MTRF1: variants seen among roughly 807,000 people sequenced by gnomAD.
The protein encoded by MTRF1 is mitochondrial translation release factor 1.
In MTRF1, 51 loss-of-function variants were observed where a neutral mutation model predicts 62.9. That is an observed-to-expected ratio of 0.81 (90% CI 0.65 to 1.02). The LOEUF (loss-of-function observed/expected upper bound fraction) is 1.02. MTRF1 is among the 50% of genes least tolerant of loss of function. The probability of loss-of-function intolerance (pLI) is 0.00; values close to 1 mark genes in which losing one functional copy is unlikely to be tolerated. For missense variants in MTRF1, 446 were observed against 530.0 expected (o/e 0.84, Z 1.56); for synonymous variants, 158 against 181.9 (o/e 0.87, Z 1.06).
intron 9 of MTRF1, among the ~76,000 whole-genome samples, chr13:41,219,290 CAAA>C (rs55810411): frequency 2.9e-3 from 383 of 131,884 alleles, no homozygotes; most frequent in African/African-American, 3.4e-3. Context: ...GACTCTGTCT[CAAA>C]AAAAAAAAAA....
At chr13:41,254,354 G>A (rs188085064) in intron 3 of MTRF1, among the ~76,000 whole-genome samples, 175 bp downstream of exon 3, 5 of 150,758 alleles carry the variant, frequency 3.3e-5, no homozygotes, top group Non-Finnish European at 5.9e-5. Flanking sequence ...ATTTGACATC[G>A]TAATTTCTTC....
In MTRF1 at chr13:41,260,726, T is replaced by C; in HGVS notation, c.182A>G (p.Tyr61Cys). 3.7e-6 allele frequency: 6 copies of C among 1,614,218 alleles called. No homozygotes were observed. The highest frequency in any genetic ancestry group is 5.1e-6 in the Non-Finnish European group (6 of 1,180,022). The change falls in exon 2 of 10, where the codon TAT (tyrosine) becomes TGT (cysteine). Residue 61 changes from tyrosine (Y) to cysteine (C), a missense_variant. By Grantham distance (194) the Tyr-to-Cys change is radical. Coordinates refer to ENST00000379480, the MANE Select transcript of MTRF1 (RefSeq NM_004294.4). ...HLLSKNWSRR[Y>C]CHQDTKMLWK... ...GAGCATCTTGGTGTCTTGATGGCAA[T>C]ATCTCCTGGACCAATTCTTACTTAA...
At chr13:41,297,069 C>T in the MTRF1 span, among the ~76,000 whole-genome samples, 283 of 152,186 alleles carry the variant, frequency 1.9e-3, 3 homozygotes, top group African/African-American at 6.6e-3. Flanking sequence ...TAAATAAAAA[C>T]TCCCAGAATT....
Position 41,260,798 on chromosome 13 carries a change from G to T in MTRF1, c.110C>A (p.Thr37Lys). The change falls in exon 2 of 10, where the codon ACA (threonine) becomes AAA (lysine). Residue 37 changes from threonine to lysine, a missense_variant. Thr to Lys is a moderately conservative substitution (Grantham distance 78). Transcript: ENST00000379480. ...GTTTTGTCTAAAAACTTGCAGCCTT[G>T]TATCAAGATGTATCTGTCTAAATTG... ...SHQFRQIHLD[T>K]RLQVFRQNRN... 2.5e-6 allele frequency: 4 copies of T among 1,614,136 alleles called. No homozygotes were observed. Among genetic ancestry groups the T allele is most frequent in the South Asian group, 1.1e-5 (1 of 91,082 alleles).
chr13:41,234,707 C>T (rs1453833167), intron 6 of MTRF1, among the ~76,000 whole-genome samples: 2 of 152,190 alleles, frequency 1.3e-5, no homozygotes, highest in Admixed American at 6.5e-5. Context: ...AATCAACACC[C>T]GAGGCACTTC....
upstream of MTRF1, among the ~76,000 whole-genome samples, chr13:41,266,007 G>A (rs1038492593): frequency 1.3e-4 from 20 of 151,940 alleles, no homozygotes; most frequent in African/African-American, 2.7e-4. Flanking sequence ...ACACCACCAC[G>A]CCCAGCTAAT....
intron 6 of MTRF1, among the ~76,000 whole-genome samples, chr13:41,238,538 A>T (rs2037037837): frequency 6.6e-6 from 1 of 152,182 alleles, no homozygotes; most frequent in Non-Finnish European, 1.5e-5. Flanking sequence ...CCAGTTAATA[A>T]ATGTGGAAGG....
the MTRF1 span, among the ~76,000 whole-genome samples, chr13:41,306,484 T>C: frequency 1.3e-5 from 2 of 152,224 alleles, no homozygotes; most frequent in African/African-American, 4.8e-5. Context: ...GATAAGTTAT[T>C]TTCCCATCAG....
chr13:41,267,060 T>A (rs1407944910), upstream of MTRF1, among the ~76,000 whole-genome samples: 2 of 151,642 alleles, frequency 1.3e-5, no homozygotes, highest in African/African-American at 2.4e-5. Flanking sequence ...TTTTGTGGCA[T>A]TTTGTTTGTT....
chr13:41,311,615 G>A, the MTRF1 span: 243 of 1,586,788 alleles, frequency 1.5e-4, no homozygotes, highest in African/African-American at 2.8e-3. Context: ...GCCGCCCCCC[G>A]GTCCCCGGGT....
upstream of MTRF1, among the ~76,000 whole-genome samples, chr13:41,264,255 C>T (rs191758689): frequency 1.9e-4 from 29 of 152,144 alleles, no homozygotes; most frequent in African/African-American, 4.6e-4. Context: ...GTTAGGAGAC[C>T]GTGTATTTCC....
chr13:41,296,433 A>G, the MTRF1 span, among the ~76,000 whole-genome samples: 8,035 of 152,314 alleles, frequency 0.053, 283 homozygotes, highest in Non-Finnish European at 0.074. Context: ...GATTTCACTA[A>G]GATCAAAATT....
intron 1 of MTRF1, 137 bp from the exon 2 acceptor site, chr13:41,261,052 G>A (rs1281543925): frequency 4.5e-6 from 4 of 880,480 alleles, no homozygotes; most frequent in South Asian, 1.9e-5. Flanking sequence ...TTCAACTGCC[G>A]GCTGGCAGCA....
chr13:41,273,762 G>A, the MTRF1 span, among the ~76,000 whole-genome samples: 1 of 152,062 alleles, frequency 6.6e-6, no homozygotes, highest in African/African-American at 2.4e-5. Context: ...GCTTGAACCT[G>A]GGAGGCGGAG....
At chr13:41,288,260 T>C in the MTRF1 span, 20 of 332,544 alleles carry the variant, frequency 6.0e-5, no homozygotes, top group Middle Eastern at 1.0e-3. Flanking sequence ...GTAACACTGA[T>C]TAGTAGGCAA....
At chr13:41,259,465 C>T (rs909494971) in intron 2 of MTRF1, among the ~76,000 whole-genome samples, 2 of 151,624 alleles carry the variant, frequency 1.3e-5, no homozygotes, top group Non-Finnish European at 2.9e-5. Flanking sequence ...ATTGGGAGGC[C>T]AAGGTGGGTG....
At chr13:41,220,343 A>C (rs1439653185) in intron 9 of MTRF1, among the ~76,000 whole-genome samples, 3 of 151,742 alleles carry the variant, frequency 2.0e-5, no homozygotes, top group East Asian at 1.9e-4. Context: ...AAAAAAAAAA[A>C]AAACAGGAAA....
At chr13:41,292,352 A>G in the MTRF1 span, among the ~76,000 whole-genome samples, 2,565 of 152,264 alleles carry the variant, frequency 0.017, 75 homozygotes, top group African/African-American at 0.059. Context: ...TGGGAGACCA[A>G]GGTGAGAGGA....
At chr13:41,311,792 G>A in the MTRF1 span, among the ~76,000 whole-genome samples, 1 of 152,284 alleles carries the variant, frequency 6.6e-6, no homozygotes, top group African/African-American at 2.4e-5. Context: ...TCCTTTCCGC[G>A]GTCTTCTGCG....
Sources: gnomAD v4.1 joint callset for allele counts (sites outside exome capture counted in the v4.1 genomes callset) on GRCh38, gnomAD v4.1.1 for gene constraint, MANE v1.5 for transcripts, NCBI Gene and HGNC (gene_info 2026-07-23, HGNC 2026-07-21) for gene names.